The following BRI3BP variants were observed in gnomAD, a reference collection of about 807,000 sequenced individuals.
BRI3BP encodes the protein BRI3 binding protein.
BRI3BP carries 7 observed loss-of-function variants against 15.8 expected under a neutral mutation model. The observed-to-expected ratio is 0.44, with a 90% CI of 0.25 to 0.83. BRI3BP has a LOEUF of 0.83. Ranked by LOEUF, BRI3BP falls within the 40% of genes least tolerant of loss-of-function variation. BRI3BP has a pLI of 0.20. For missense variants in BRI3BP, 320 were observed against 339.3 expected (o/e 0.94, Z 0.45); for synonymous variants, 192 against 163.5 (o/e 1.17, Z -1.33).
chr12:125,033,021 A>G (rs1031078466), downstream of BRI3BP, among the ~76,000 whole-genome samples: 7 of 152,086 alleles, frequency 4.6e-5, no homozygotes, highest in Non-Finnish European at 1.0e-4. Flanking sequence ...CCCGCTGCCA[A>G]TCCCGCTGCA....
At chr12:125,003,959 ACACACAC>A (rs1955119388) in intron 1 of BRI3BP, among the ~76,000 whole-genome samples, 1 of 8,150 alleles carries the variant, frequency 1.2e-4, no homozygotes, top group Non-Finnish European at 1.9e-4. Flanking sequence ...TCTCAAAAAC[ACACACAC>A]ACACACACAC....
chr12:125,034,717 GT>G (rs1276215708), downstream of BRI3BP, among the ~76,000 whole-genome samples: 9 of 152,192 alleles, frequency 5.9e-5, 1 homozygote, highest in East Asian at 1.7e-3. Flanking sequence ...AGCCTCCCAA[GT>G]AGCTGGGACT....
At chr12:125,012,913 A>G (rs1024420677) in intron 2 of BRI3BP, among the ~76,000 whole-genome samples, 1 of 152,040 alleles carries the variant, frequency 6.6e-6, no homozygotes, top group African/African-American at 2.4e-5. Context: ...TCCCATCTCT[A>G]TAAAAAAAAA....
intron 1 of BRI3BP, among the ~76,000 whole-genome samples, chr12:125,011,764 T>C (rs1955198355): frequency 6.6e-6 from 1 of 152,192 alleles, no homozygotes. Flanking sequence ...CTTGTATTCA[T>C]GTTTCTTTAG....
chr12:125,014,528 C>T (rs556924676), intron 2 of BRI3BP, among the ~76,000 whole-genome samples: 1 of 152,330 alleles, frequency 6.6e-6, no homozygotes, highest in East Asian at 1.9e-4. Flanking sequence ...GAGTTCTCTC[C>T]CTGTGGAGTC....
rs1955015963 is a variant in BRI3BP, at chr12:124,993,831, G to T, written c.41G>T (p.Gly14Val). The T allele has an allele frequency of 9.0e-7, 1 of 1,110,934 alleles. No homozygotes were observed. Among genetic ancestry groups the T allele is most frequent in the Non-Finnish European group, 1.1e-6 (1 of 914,130 alleles). The allele number at this position is 1,110,934 out of a possible 1,614,324, so 68.8% of individuals were successfully genotyped here. Reference sequence around the variant, plus strand: ...TCAGGCGGGCCCCTGGCCCGGGCCGGGCTCCTGCTGCTGCTGCTGCTGCTG... The same window carrying T: ...TCAGGCGGGCCCCTGGCCCGGGCCGTGCTCCTGCTGCTGCTGCTGCTGCTG... Reference protein sequence around the residue: ...RASGGPLARAGLLLLLLLLLL... With the variant: ...RASGGPLARAVLLLLLLLLLL... Residue 14 changes from glycine (G) to valine (V), a missense_variant, in exon 1 of 3, where the codon GGG becomes GTG. Gly to Val is a moderately radical substitution (Grantham distance 109, BLOSUM62 -3). Transcript: ENST00000341446.
Position 125,025,142 on chromosome 12 carries a change from C to T in BRI3BP, c.468C>T (p.Arg156=), listed in dbSNP as rs1955339446. 5 of 1,614,170 alleles carry T rather than the reference C, an allele frequency of 3.1e-6. No individual in the cohort carries two copies. The highest frequency in any genetic ancestry group is 4.2e-6 in the Non-Finnish European group (5 of 1,180,034). The change falls in exon 3 of 3, where the codon CGC becomes CGT. Residue 156 remains arginine, a synonymous_variant. Transcript: ENST00000341446. ...GCGTCCTGCACGTGGTGTTCGGCCG[C>T]TTCTTCTGGATCGTGCGGGTCGTCC... ...TFSVLHVVFG[R]FFWIVRVVLF...
At position 124,993,768 on chromosome 12, in the gene BRI3BP, A is replaced by AC. The variant is rs1203355297; in HGVS notation, c.-19dup. The AC allele has an allele frequency of 1.4e-5, 14 of 1,002,818 alleles. No individual in the cohort carries two copies. Among genetic ancestry groups the AC allele is most frequent in the Non-Finnish European group, 1.7e-5 (14 of 844,372 alleles). The allele number at this position is 1,002,818 out of a possible 1,614,324, so 62.1% of individuals were successfully genotyped here. ...CGCACGGCCCTCACCCCGCATCGCG[A>AC]CCCCGCGCCCCGCCGGCCGAGCATG... On this transcript the variant is annotated 5_prime_UTR_variant, in exon 1 of 3. Coordinates refer to ENST00000341446, the MANE Select transcript of BRI3BP (RefSeq NM_080626.6).
chr12:124,999,036 C>G (rs1955062067), intron 1 of BRI3BP, among the ~76,000 whole-genome samples: 1 of 152,264 alleles, frequency 6.6e-6, no homozygotes, highest in Non-Finnish European at 1.5e-5. Flanking sequence ...TGTGATCACA[C>G]CACTGTACTC....
chr12:125,009,879 G>A (rs558120449), intron 1 of BRI3BP, among the ~76,000 whole-genome samples: 1 of 152,134 alleles, frequency 6.6e-6, no homozygotes, highest in Non-Finnish European at 1.5e-5. Context: ...AGGCAGGCGG[G>A]TCACTTGAGG....
At chr12:124,997,993 G>A (rs1417098550) in intron 1 of BRI3BP, among the ~76,000 whole-genome samples, 1 of 152,102 alleles carries the variant, frequency 6.6e-6, no homozygotes, top group Non-Finnish European at 1.5e-5. Context: ...GCGTGGTGAT[G>A]CATGCCTGTA....
chr12:125,044,343 G>T, the BRI3BP span, among the ~76,000 whole-genome samples: 1 of 151,986 alleles, frequency 6.6e-6, no homozygotes, highest in Non-Finnish European at 1.5e-5. Flanking sequence ...TAGAGACGGG[G>T]TTTCACCATG....
intron 2 of BRI3BP, among the ~76,000 whole-genome samples, chr12:125,013,189 A>G (rs1166067963): frequency 1.3e-5 from 2 of 152,178 alleles, no homozygotes; most frequent in East Asian, 1.9e-4. Context: ...TTTGTGTGCA[A>G]AACACATGGA....
chr12:125,019,254 T>G (rs912411996), intron 2 of BRI3BP, among the ~76,000 whole-genome samples: 1 of 152,110 alleles, frequency 6.6e-6, no homozygotes, highest in East Asian at 1.9e-4. Context: ...GTGTTTTCTT[T>G]AGGATTTTCA....
intron 1 of BRI3BP, among the ~76,000 whole-genome samples, chr12:124,997,209 C>CTTTTTTT (rs1955047908): frequency 2.5e-5 from 1 of 40,748 alleles, no homozygotes; most frequent in Non-Finnish European, 4.1e-5. Context: ...TTTTGCTTTA[C>CTTTTTTT]TTCTCTTTTT....
rs1181117798 is a variant in BRI3BP at position 124,997,036 on chromosome 12, G to C, written c.213+3033G>C. Among the ~76,000 whole-genome samples, 6 of 151,476 alleles carry C rather than the reference G, an allele frequency of 4.0e-5. No homozygotes were observed. In the East Asian group the frequency reaches 7.8e-4, roughly 20 times the overall value. ...AGCCTCCCAAAGTGCTATGATTAGA[G>C]GCTTGAGCCACCGTGCCCGGCCTCC... On this transcript the variant is annotated intron_variant, in intron 1 of 2. Coordinates refer to ENST00000341446, the MANE Select transcript of BRI3BP (RefSeq NM_080626.6).
At chr12:125,009,007 G>A (rs138736269) in intron 1 of BRI3BP, among the ~76,000 whole-genome samples, 1,946 of 151,176 alleles carry the variant, frequency 0.013, 46 homozygotes, top group African/African-American at 0.045. Context: ...ACAGAGTCTC[G>A]CTCTGTTGCC....
At chr12:125,005,968 A>G (rs960261379) in intron 1 of BRI3BP, among the ~76,000 whole-genome samples, 6 of 152,080 alleles carry the variant, frequency 3.9e-5, no homozygotes, top group Non-Finnish European at 8.8e-5. Context: ...TCGAGGTGCC[A>G]GGGTTGCTTT....
At chr12:125,036,342 C>A in the BRI3BP span, among the ~76,000 whole-genome samples, 19 of 151,488 alleles carry the variant, frequency 1.3e-4, no homozygotes, top group Admixed American at 1.3e-3. Flanking sequence ...GGATTACAGG[C>A]ATGAGCCACC....
Sources: allele counts gnomAD v4.1 joint callset (sites outside exome capture counted in the v4.1 genomes callset), GRCh38; gene constraint gnomAD v4.1.1; transcripts MANE v1.5; gene names NCBI Gene and HGNC (gene_info 2026-07-23, HGNC 2026-07-21).